Variants in DPP6 observed in about 807,000 individuals in gnomAD.
DPP6 encodes the protein A-type potassium channel modulatory protein DPP6.
A neutral mutation model predicts 122.6 loss-of-function variants in DPP6; 69 were observed. That is an observed-to-expected ratio of 0.56 (90% CI 0.46 to 0.69). The LOEUF (loss-of-function observed/expected upper bound fraction) is 0.69, where lower values mean the gene tolerates loss of function less well. Among genes scored for constraint, DPP6 ranks in the 30% least tolerant of loss-of-function variants. The pLI, the probability that DPP6 is intolerant of heterozygous loss-of-function variation, is 0.00. For missense variants in DPP6, 928 were observed against 1,116.9 expected, an observed-to-expected ratio of 0.83 and a Z score of 2.41; for synonymous variants, 418 against 433.1, an observed-to-expected ratio of 0.97 and a Z score of 0.43.
intron 8 of DPP6, among the ~76,000 whole-genome samples, chr7:154,762,228 GCCACATTCTC>G (rs1203998320): frequency 2.0e-5 from 3 of 152,086 alleles, no homozygotes; most frequent in Non-Finnish European, 4.4e-5. Context: ...ATCACTTTCT[GCCACATTCTC>G]TTCATTCAAA....
rs571727444 is a variant in DPP6 at position 154,877,614 on chromosome 7, C to G, written c.2078+1514C>G. Reference sequence around the variant, plus strand: ...GTCACGGGGTGGCCCTCAGTAGCACCTGGCTCCATGCTTCGTCATCTACCT... The same window carrying G: ...GTCACGGGGTGGCCCTCAGTAGCACGTGGCTCCATGCTTCGTCATCTACCT... On this transcript the variant is annotated intron_variant, in intron 20 of 25. Transcript: ENST00000377770. The surrounding 1 kb of genome is among the most constrained non-coding windows in gnomAD (Gnocchi z 5.2). Among the ~76,000 whole-genome samples, 113 of 152,300 alleles carry G rather than the reference C, an allele frequency of 7.4e-4. 1 individual carries two copies. The South Asian group carries it at 0.022, about 30-fold the overall frequency.
chr7:153,981,821 T>C (rs1056098381), intron 1 of DPP6, among the ~76,000 whole-genome samples: 6 of 152,234 alleles, frequency 3.9e-5, no homozygotes, highest in Non-Finnish European at 7.3e-5. Flanking sequence ...TGGCAGGATA[T>C]GAAATTCTGG....
intron 5 of DPP6, among the ~76,000 whole-genome samples, chr7:154,629,996 TAGAAA>T (rs67253099): frequency 0.16 from 24,388 of 152,168 alleles, 2,107 homozygotes; most frequent in East Asian, 0.2. Context: ...TCTCAGAATT[TAGAAA>T]AGAGTGTTTT....
chr7:154,665,038 C>T (rs4960707), intron 6 of DPP6, among the ~76,000 whole-genome samples: 18,619 of 152,168 alleles, frequency 0.12, 1,242 homozygotes, highest in African/African-American at 0.18. Flanking sequence ...GTTCTTTCTT[C>T]TTAGCACCCT....
Position 154,587,945 on chromosome 7 carries a change from G to A in DPP6, c.627+21029G>A, listed in dbSNP as rs375756767. On this transcript the variant is annotated intron_variant, in intron 5 of 25. Coordinates refer to ENST00000377770, the MANE Select transcript of DPP6 (RefSeq NM_130797.4). ...AGGACTGCCAATGGCACCAGGCTTC[G>A]CAGCCATGCACCTGCAGCCCTCAGG... 134 of 1,612,866 alleles carry A rather than the reference G, an allele frequency of 8.3e-5. No individual in the cohort carries two copies. The highest frequency in any genetic ancestry group is 1.7e-4 in the Middle Eastern group (1 of 6,060).
chr7:154,305,141 G>T (rs1339978701), intron 1 of DPP6: 1 of 657,686 alleles, frequency 1.5e-6, no homozygotes, highest in Non-Finnish European at 1.9e-6. Context: ...GGAGGCGGGC[G>T]AGGAGGCAGC....
intron 1 of DPP6, among the ~76,000 whole-genome samples, chr7:154,378,313 G>A (rs1391673125): frequency 1.3e-5 from 2 of 152,216 alleles, no homozygotes; most frequent in Admixed American, 6.5e-5. Context: ...GAGAAGTGAG[G>A]AAATGGGAGG....
intron 7 of DPP6, among the ~76,000 whole-genome samples, chr7:154,700,290 C>A (rs1186974147): frequency 2.0e-5 from 3 of 152,180 alleles, no homozygotes; most frequent in African/African-American, 7.2e-5. Context: ...TTGAAAGAAG[C>A]ACAAGATCTG....
chr7:154,772,828 C>T lies in DPP6; in HGVS notation c.1039-17C>T. On this transcript the variant is annotated splice_polypyrimidine_tract_variant and intron_variant, in intron 9 of 25. Coordinates refer to ENST00000377770, the MANE Select transcript of DPP6 (RefSeq NM_130797.4). Reference sequence around the variant, plus strand: ...TAAGGCTGCTTGTTCATGTCTCTGCCCCTTTTTAATCCCCAGGCTGGAAGT... The same window carrying T: ...TAAGGCTGCTTGTTCATGTCTCTGCTCCTTTTTAATCCCCAGGCTGGAAGT... 1.9e-6 allele frequency: 3 copies of T among 1,609,022 alleles called. No homozygotes were observed. The highest frequency in any genetic ancestry group is 2.2e-5 in the South Asian group (2 of 89,480).
Position 154,279,094 on chromosome 7 carries a change from ATG to A in DPP6, c.244-167113_244-167112del, listed in dbSNP as rs549202019. Reference sequence around the variant, plus strand: ...GCAGCTGATGTGTGTGTGGGGATGCATGTGTGTGCATTGTGTATATGTGTCTG... The same window carrying A: ...GCAGCTGATGTGTGTGTGGGGATGCATGTGTGCATTGTGTATATGTGTCTG... On this transcript the variant is annotated intron_variant, in intron 1 of 25. Transcript: ENST00000377770. 3.2e-3 allele frequency among the ~76,000 whole-genome samples: 468 copies of A among 147,112 alleles called. 4 individuals carry two copies. Among genetic ancestry groups the A allele is most frequent in the Admixed American group, 5.3e-3 (78 of 14,792 alleles).
At chr7:154,248,529 C>T (rs1802136845) in intron 1 of DPP6, among the ~76,000 whole-genome samples, 2 of 152,192 alleles carry the variant, frequency 1.3e-5, no homozygotes, top group African/African-American at 2.4e-5. Flanking sequence ...GGAATATATA[C>T]ATTTGAGGGT....
At chr7:154,118,689 G>A (rs374983126) in intron 1 of DPP6, among the ~76,000 whole-genome samples, 3 of 146,624 alleles carry the variant, frequency 2.0e-5, no homozygotes, top group South Asian at 4.4e-4. Context: ...TGTACATCAC[G>A]TATGGGATAT....
intron 1 of DPP6, among the ~76,000 whole-genome samples, chr7:153,987,750 G>A (rs1796924438): frequency 6.6e-6 from 1 of 152,052 alleles, no homozygotes; most frequent in South Asian, 2.1e-4. Flanking sequence ...TTTCCCCTTG[G>A]TACCATTGAT....
At chr7:153,938,521 G>A (rs929223866) in intron 1 of DPP6, among the ~76,000 whole-genome samples, 3 of 152,322 alleles carry the variant, frequency 2.0e-5, no homozygotes, top group East Asian at 1.9e-4. Flanking sequence ...GTGACTAGAT[G>A]CTAGAAAGAG....
At chr7:153,902,420 C>G (rs12531415) in intron 1 of DPP6, among the ~76,000 whole-genome samples, 35,518 of 152,004 alleles carry the variant, frequency 0.23, 4,205 homozygotes, top group African/African-American at 0.27. Context: ...GTTCTGTCTC[C>G]CTTGATGTTT....
chr7:154,511,001 C>A (rs565385237), intron 3 of DPP6, among the ~76,000 whole-genome samples: 2 of 151,288 alleles, frequency 1.3e-5, no homozygotes, highest in South Asian at 4.2e-4. Context: ...AAAAGATAGA[C>A]CCTGGCGTGG....
intron 12 of DPP6, among the ~76,000 whole-genome samples, chr7:154,799,833 C>T (rs1279152144): frequency 6.6e-6 from 1 of 152,204 alleles, no homozygotes. Flanking sequence ...CCCTGGTCAA[C>T]AATCATTGCA....
In DPP6 at chr7:154,151,223, C is replaced by T. The variant is rs528198161; in HGVS notation, c.243+98160C>T. Among the ~76,000 whole-genome samples the T allele has an allele frequency of 2.3e-3, 346 of 152,310 alleles. 1 individual carries two copies. Among genetic ancestry groups the T allele is most frequent in the African/African-American group, 7.9e-3 (327 of 41,570 alleles). On this transcript the variant is annotated intron_variant, in intron 1 of 25. Coordinates refer to ENST00000377770, the MANE Select transcript of DPP6 (RefSeq NM_130797.4). ...TTAGACCTGGGGCACCTGATTGCTT[C>T]TGCCCGCCCCAGGATGCTTGCCCCA...
intron 6 of DPP6, among the ~76,000 whole-genome samples, chr7:154,645,388 C>T (rs553003602): frequency 2.6e-5 from 4 of 152,048 alleles, no homozygotes; most frequent in Middle Eastern, 3.4e-3. Context: ...TATGGATTTT[C>T]AGAACTGTGA....
Sources: allele counts gnomAD v4.1 joint callset (sites outside exome capture counted in the v4.1 genomes callset), GRCh38; gene constraint gnomAD v4.1.1; non-coding constraint Gnocchi (gnomAD v3.1); transcripts MANE v1.5; gene names NCBI Gene and HGNC (gene_info 2026-07-23, HGNC 2026-07-21).